Variants in GRM8 observed in about 807,000 individuals in gnomAD.
GRM8 encodes metabotropic glutamate receptor 8.
Under a neutral mutation model 87.2 loss-of-function variants are expected in GRM8, and 47 were observed. The observed-to-expected ratio is 0.54, with a 90% CI of 0.43 to 0.69. GRM8 has a LOEUF of 0.69. GRM8 is among the 30% of genes least tolerant of loss of function. The pLI, the probability that GRM8 is intolerant of heterozygous loss-of-function variation, is 0.00. For synonymous variants in GRM8, 396 were observed against 404.5 expected (o/e 0.98, Z 0.25); for missense variants, 1,019 against 1,139.2 (o/e 0.89, Z 1.52).
chr7:126,625,223 T>G (rs945958179), intron 7 of GRM8, among the ~76,000 whole-genome samples: 3 of 152,086 alleles, frequency 2.0e-5, no homozygotes, highest in Non-Finnish European at 2.9e-5. Flanking sequence ...TCCTTAAGAG[T>G]TAATACTCAT....
chr7:126,935,911 G>A (rs972055603), intron 3 of GRM8, among the ~76,000 whole-genome samples: 3 of 152,078 alleles, frequency 2.0e-5, no homozygotes, highest in African/African-American at 7.2e-5. Flanking sequence ...TCGTCTATAG[G>A]TTCAGTGTTT....
intron 2 of GRM8, among the ~76,000 whole-genome samples, chr7:127,122,738 G>A (rs1029019872): frequency 2.0e-5 from 3 of 152,006 alleles, no homozygotes; most frequent in African/African-American, 7.3e-5. Context: ...AGGACAACAA[G>A]TAGAATTCAA....
At chr7:126,472,533 T>G (rs146980684) in intron 9 of GRM8, among the ~76,000 whole-genome samples, 3 of 152,286 alleles carry the variant, frequency 2.0e-5, no homozygotes, top group Non-Finnish European at 2.9e-5. Flanking sequence ...GAATTGAAAC[T>G]TATACTTAAA....
chr7:127,153,532 A>G (rs567355316), intron 2 of GRM8, among the ~76,000 whole-genome samples: 3 of 152,202 alleles, frequency 2.0e-5, no homozygotes, highest in African/African-American at 7.2e-5. Flanking sequence ...TTTTTGAGAA[A>G]GCGGAAGTGG....
At chr7:126,770,775 TA>T (rs1223641448) in intron 6 of GRM8, among the ~76,000 whole-genome samples, 2 of 152,096 alleles carry the variant, frequency 1.3e-5, no homozygotes, top group African/African-American at 4.8e-5. Flanking sequence ...AAATATATTT[TA>T]AATGAAATAT....
intron 8 of GRM8, among the ~76,000 whole-genome samples, chr7:126,582,437 T>C (rs1202014961): frequency 1.3e-5 from 2 of 152,058 alleles, no homozygotes; most frequent in African/African-American, 4.8e-5. Flanking sequence ...CTCTATAACA[T>C]AAAAGGGCAA....
rs1796946547 is a variant in GRM8, at chr7:126,848,851, A to G, written c.1156+53691T>C. 3.3e-5 allele frequency among the ~76,000 whole-genome samples: 5 copies of G among 152,288 alleles called. No homozygotes were observed. In the South Asian group the frequency reaches 1.0e-3, roughly 32 times the overall value. On this transcript the variant is annotated intron_variant, in intron 6 of 10. Transcript: ENST00000339582. The stretch of plus-strand genomic sequence containing the variant: ...CTGTTTTCACACTGCTGATAAAGAC[A>G]TACCCAAGACTGGGCAATTTACAAA...
intron 7 of GRM8, among the ~76,000 whole-genome samples, chr7:126,701,399 T>C (rs949490997): frequency 7.9e-5 from 12 of 152,164 alleles, no homozygotes; most frequent in African/African-American, 2.2e-4. Flanking sequence ...GTACCAAATA[T>C]AGAAGAGGGC....
chr7:127,124,954 T>C (rs1320406003), intron 2 of GRM8, among the ~76,000 whole-genome samples: 1 of 152,018 alleles, frequency 6.6e-6, no homozygotes, highest in Non-Finnish European at 1.5e-5. Context: ...AATAGATAAA[T>C]AAACAAATAA....
chr7:127,155,114 G>A (rs141536639), intron 2 of GRM8, among the ~76,000 whole-genome samples: 2 of 152,260 alleles, frequency 1.3e-5, no homozygotes, highest in East Asian at 1.9e-4. Context: ...ACGTTCCAAG[G>A]AGGACTTAGC....
chr7:126,708,141 A>G (rs1810734111), intron 7 of GRM8, among the ~76,000 whole-genome samples: 1 of 152,182 alleles, frequency 6.6e-6, no homozygotes, highest in African/African-American at 2.4e-5. Flanking sequence ...AATGTTCAAC[A>G]TCACTAATCC....
rs1352722999 is a variant in GRM8 at position 126,533,621 on chromosome 7, A to AGGCACCACAG, written c.1751_1760dup (p.Val588CysfsTer25). On this transcript the variant is annotated frameshift_variant, in exon 9 of 11. Transcript: ENST00000339582. LOFTEE classifies it high-confidence loss of function. ...TGATTCCCAATATTGCAACAAACAC[A>AGGCACCACAG]GGCACCACAGCCCAGGGAGAATGCC... The AGGCACCACAG allele has an allele frequency of 6.2e-7, 1 of 1,614,082 alleles. No homozygotes were observed. Among genetic ancestry groups the AGGCACCACAG allele is most frequent in the Non-Finnish European group, 8.5e-7 (1 of 1,179,986 alleles).
At chr7:126,978,098 T>A (rs978366577) in intron 3 of GRM8, among the ~76,000 whole-genome samples, 1 of 151,820 alleles carries the variant, frequency 6.6e-6, no homozygotes, top group African/African-American at 2.4e-5. Context: ...TACAGAAAGG[T>A]TAATGTGAAT....
At chr7:126,768,429 AT>A (rs1357242911) in intron 7 of GRM8, among the ~76,000 whole-genome samples, 2 of 148,904 alleles carry the variant, frequency 1.3e-5, no homozygotes, top group Non-Finnish European at 3.0e-5. Flanking sequence ...AATCCTTTTA[AT>A]AGCCATTACA....
In GRM8 at chr7:126,873,194, A is replaced by C. The variant is rs564579687; in HGVS notation, c.1156+29348T>G. On this transcript the variant is annotated intron_variant, in intron 6 of 10. Coordinates refer to ENST00000339582, the MANE Select transcript of GRM8 (RefSeq NM_000845.3). ...AACTTAACTTGTGTCTGCACAGTAC[A>C]TTCAATGTGGCTTTCTGATGAAATT... is the stretch of plus-strand genomic sequence containing the variant. Among the ~76,000 whole-genome samples, 27 of 152,272 alleles carry C rather than the reference A, an allele frequency of 1.8e-4. No homozygotes were observed. In the East Asian group the frequency reaches 3.7e-3, roughly 21 times the overall value.
chr7:127,081,695 T>A lies in GRM8; in HGVS notation c.727+24801A>T, dbSNP rs144397441. Among the ~76,000 whole-genome samples the A allele has an allele frequency of 3.9e-5, 6 of 152,258 alleles. No homozygotes were observed. In the East Asian group the frequency reaches 1.2e-3, roughly 29 times the overall value. On this transcript the variant is annotated intron_variant, in intron 3 of 10. Transcript: ENST00000339582. ...AGAGAGTGTGAGTCTGGAGCTCAGA[T>A]GAGACATCAGAACTGAAGATATCAT...
chr7:127,041,381 A>G (rs1818416023), intron 3 of GRM8, among the ~76,000 whole-genome samples: 3 of 152,224 alleles, frequency 2.0e-5, no homozygotes, highest in South Asian at 2.1e-4. Flanking sequence ...ACAAATCATC[A>G]TCACCTCAAC....
At chr7:126,559,809 T>C (rs576033474) in intron 8 of GRM8, among the ~76,000 whole-genome samples, 2 of 152,350 alleles carry the variant, frequency 1.3e-5, no homozygotes, top group South Asian at 4.1e-4. Context: ...AAAATTTCAA[T>C]TGTAGGCTCG....
intron 6 of GRM8, among the ~76,000 whole-genome samples, chr7:126,805,760 T>C (rs1158375568): frequency 2.0e-5 from 3 of 152,186 alleles, no homozygotes; most frequent in East Asian, 3.9e-4. Context: ...CTACTCACCC[T>C]CTTTGCTTTA....
Sources: allele counts gnomAD v4.1 joint callset (sites outside exome capture counted in the v4.1 genomes callset), GRCh38; gene constraint gnomAD v4.1.1; transcripts MANE v1.5; gene names NCBI Gene and HGNC (gene_info 2026-07-23, HGNC 2026-07-21).